BBS9: variants seen among roughly 807,000 people sequenced by gnomAD.
The protein encoded by BBS9 is protein PTHB1.
In BBS9, 89 loss-of-function variants were observed where a neutral mutation model predicts 117.7. That is an observed-to-expected ratio of 0.76 (90% confidence interval 0.64 to 0.90). BBS9 has a LOEUF of 0.90. BBS9 is among the 40% of genes least tolerant of loss of function. The probability of loss-of-function intolerance (pLI) is 0.00; values close to 1 mark genes in which losing one functional copy is unlikely to be tolerated. For synonymous variants in BBS9, 379 were observed against 370.9 expected, an observed-to-expected ratio of 1.02 and a Z score of -0.25; for missense variants, 982 against 1,042.2, an observed-to-expected ratio of 0.94 and a Z score of 0.80.
At chr7:33,567,993 T>C (rs1285317493) in intron 21 of BBS9, among the ~76,000 whole-genome samples, 1 of 152,190 alleles carries the variant, frequency 6.6e-6, no homozygotes, top group Admixed American at 6.5e-5. Flanking sequence ...TGTTCTCCCT[T>C]CCTGTAGTCT....
chr7:33,519,481 A>G (rs72620144), intron 20 of BBS9, among the ~76,000 whole-genome samples: 24,799 of 152,152 alleles, frequency 0.16, 2,269 homozygotes, highest in East Asian at 0.37. Context: ...TCCAAAGGCT[A>G]TAACCATAAT....
At chr7:33,254,439 C>T (rs573188484) in intron 5 of BBS9, among the ~76,000 whole-genome samples, 15 of 151,710 alleles carry the variant, frequency 9.9e-5, no homozygotes, top group Middle Eastern at 3.4e-3. Context: ...TTCTGATATA[C>T]ATATACATTG....
chr7:33,585,718 G>A (rs1040848887), intron 21 of BBS9, among the ~76,000 whole-genome samples: 5 of 151,870 alleles, frequency 3.3e-5, no homozygotes, highest in Admixed American at 1.3e-4. Flanking sequence ...AATTGCATCC[G>A]GTTCATCACC....
intron 21 of BBS9, among the ~76,000 whole-genome samples, chr7:33,580,003 AT>A (rs1859608540): frequency 6.6e-6 from 1 of 152,158 alleles, no homozygotes; most frequent in South Asian, 2.1e-4. Flanking sequence ...TTTAAAACCA[AT>A]TTATTTATGA....
intron 19 of BBS9, among the ~76,000 whole-genome samples, chr7:33,457,746 T>C (rs1166292855): frequency 1.5e-4 from 23 of 152,216 alleles, no homozygotes; most frequent in Admixed American, 9.8e-4. Flanking sequence ...AAAGAAACTT[T>C]CAGGAAATTG....
At chr7:33,494,008 G>A (rs1401725728) in intron 19 of BBS9, among the ~76,000 whole-genome samples, 1 of 152,162 alleles carries the variant, frequency 6.6e-6, no homozygotes, top group Non-Finnish European at 1.5e-5. Flanking sequence ...CTCCAGTGTT[G>A]CTGGAGATAC....
intron 21 of BBS9, among the ~76,000 whole-genome samples, chr7:33,551,234 T>G (rs1013405497): frequency 1.3e-5 from 2 of 152,172 alleles, no homozygotes; most frequent in African/African-American, 4.8e-5. Flanking sequence ...CAGGCCCCAG[T>G]TGACTGCCGC....
At chr7:33,531,907 A>T (rs1445925988) in intron 20 of BBS9, among the ~76,000 whole-genome samples, 2 of 152,188 alleles carry the variant, frequency 1.3e-5, no homozygotes, top group Non-Finnish European at 2.9e-5. Context: ...AGACATAAAG[A>T]TCTCCAAAGC....
intron 20 of BBS9, among the ~76,000 whole-genome samples, chr7:33,515,622 A>G (rs972864565): frequency 2.0e-5 from 3 of 152,228 alleles, no homozygotes; most frequent in Admixed American, 6.5e-5. Flanking sequence ...ATGCTCTCAC[A>G]ATAGTCCTAC....
chr7:33,264,753 T>A (rs1292263961), intron 7 of BBS9, among the ~76,000 whole-genome samples: 1 of 152,206 alleles, frequency 6.6e-6, no homozygotes, highest in Non-Finnish European at 1.5e-5. Context: ...CTCTTATCAC[T>A]TGTTTGGAGC....
rs1817540935 is a variant in BBS9 at position 33,346,124 on chromosome 7, G to T, written c.1329+1490G>T. On this transcript the variant is annotated intron_variant, in intron 12 of 22. Coordinates refer to ENST00000242067, the MANE Select transcript of BBS9 (RefSeq NM_198428.3). ...CAACAGGCAAGGGGTGCAGAAAATT[G>T]GTGGGACTCACACAGCAGACACAAT... 14 of 312,090 alleles carry T rather than the reference G, an allele frequency of 4.5e-5. 2 individuals are homozygous for T. Among genetic ancestry groups the T allele is most frequent in the South Asian group, 4.1e-4 (14 of 34,386 alleles). The allele number at this position is 312,090 out of a possible 1,614,324, so 19.3% of individuals were successfully genotyped here.
chr7:33,176,446 C>T (rs1027115657), intron 4 of BBS9, among the ~76,000 whole-genome samples: 2 of 152,088 alleles, frequency 1.3e-5, no homozygotes, highest in African/African-American at 4.8e-5. Flanking sequence ...AGTTCTCTAC[C>T]TTGAATACTG....
chr7:33,285,271 T>C (rs1416412320), intron 9 of BBS9, among the ~76,000 whole-genome samples: 1 of 152,088 alleles, frequency 6.6e-6, no homozygotes, highest in African/African-American at 2.4e-5. Flanking sequence ...TAATCAGAAA[T>C]GTTAGGTAGA....
At chr7:33,289,832 A>G (rs1033181746) in intron 9 of BBS9, among the ~76,000 whole-genome samples, 2 of 152,266 alleles carry the variant, frequency 1.3e-5, no homozygotes, top group African/African-American at 4.8e-5. Context: ...TCACTAGGTC[A>G]AGAGATCAGG....
At chr7:33,312,110 A>G (rs1809390660) in intron 9 of BBS9, among the ~76,000 whole-genome samples, 1 of 152,144 alleles carries the variant, frequency 6.6e-6, no homozygotes, top group Non-Finnish European at 1.5e-5. Context: ...CCTCCACCAG[A>G]AATACCTTTT....
At chr7:33,229,082 G>T (rs1041045274) in intron 5 of BBS9, among the ~76,000 whole-genome samples, 3 of 151,946 alleles carry the variant, frequency 2.0e-5, no homozygotes, top group Admixed American at 1.3e-4. Flanking sequence ...TATATTTAAG[G>T]TATACAACAT....
At chr7:33,622,757 C>G (rs1402120676) in intron 21 of BBS9, among the ~76,000 whole-genome samples, 1 of 152,124 alleles carries the variant, frequency 6.6e-6, no homozygotes. Flanking sequence ...ACCAATGCAT[C>G]ATAATAATGT....
chr7:33,521,370 G>C (rs1456118937), intron 20 of BBS9, among the ~76,000 whole-genome samples: 1 of 152,176 alleles, frequency 6.6e-6, no homozygotes, highest in Non-Finnish European at 1.5e-5. Context: ...TCATCCAATA[G>C]GAGGCAGTGT....
intron 19 of BBS9, among the ~76,000 whole-genome samples, chr7:33,483,890 T>G (rs1385792990): frequency 6.6e-6 from 1 of 152,202 alleles, no homozygotes; most frequent in Non-Finnish European, 1.5e-5. Flanking sequence ...CTCCTACCTT[T>G]GACTCCCAAA....
Sources: allele counts gnomAD v4.1 joint callset (sites outside exome capture counted in the v4.1 genomes callset), GRCh38; gene constraint gnomAD v4.1.1; transcripts MANE v1.5; gene names NCBI Gene and HGNC (gene_info 2026-07-23, HGNC 2026-07-21).